The following TRAP1 variants were observed in gnomAD, a reference collection of about 807,000 sequenced individuals.
TRAP1 encodes the protein heat shock protein 75 kDa, mitochondrial.
A neutral mutation model predicts 89.1 loss-of-function variants in TRAP1; 102 were observed. The observed-to-expected ratio is 1.15, with a 90% confidence interval of 0.98 to 1.35. The LOEUF (loss-of-function observed/expected upper bound fraction) is 1.35, where lower values mean the gene tolerates loss of function less well. Ranked by LOEUF, TRAP1 falls within the 40% of genes most tolerant of loss-of-function variation. TRAP1 has a pLI of 0.00. For missense variants in TRAP1, 1,256 were observed against 945.3 expected (o/e 1.33, Z -4.31); for synonymous variants, 508 against 388.0 (o/e 1.31, Z -3.64).
At chr16:3,678,706 CT>C (rs2051034157) in intron 5 of TRAP1, among the ~76,000 whole-genome samples, 1 of 152,154 alleles carries the variant, frequency 6.6e-6, no homozygotes. Context: ...CGTGATCCAC[CT>C]GCCTCGGCCT....
At chr16:3,695,995 G>T (rs1029028256) in intron 1 of TRAP1, among the ~76,000 whole-genome samples, 1 of 152,148 alleles carries the variant, frequency 6.6e-6, no homozygotes, top group African/African-American at 2.4e-5. Flanking sequence ...ATCAATACCG[G>T]AACATTTACA....
Position 3,658,046 on chromosome 16 carries a change from G to T in TRAP1, c.*83C>A. ...AAAGCCCAACACACACTCGGGTTAA[G>T]AAATACCTTTAAATTTAGGTAAATA... On this transcript the variant is annotated 3_prime_UTR_variant, in exon 18 of 18. Coordinates refer to ENST00000246957, the MANE Select transcript of TRAP1 (RefSeq NM_016292.3). The T allele has an allele frequency of 6.2e-7, 1 of 1,607,952 alleles. No homozygotes were observed. Among genetic ancestry groups the T allele is most frequent in the Non-Finnish European group, 8.5e-7 (1 of 1,176,336 alleles).
intron 5 of TRAP1, among the ~76,000 whole-genome samples, chr16:3,678,996 G>A (rs1043459970): frequency 1.3e-5 from 2 of 152,158 alleles, no homozygotes; most frequent in Non-Finnish European, 2.9e-5. Flanking sequence ...GGGATGCGGC[G>A]TCTGTGGGTT....
intron 1 of TRAP1, among the ~76,000 whole-genome samples, chr16:3,692,105 T>G (rs1024946590): frequency 6.6e-6 from 1 of 152,228 alleles, no homozygotes; most frequent in African/African-American, 2.4e-5. Context: ...CAAGGATATG[T>G]GGCCAGCCAG....
At chr16:3,673,212 T>C (rs2050939226) in intron 9 of TRAP1, among the ~76,000 whole-genome samples, 1 of 152,164 alleles carries the variant, frequency 6.6e-6, no homozygotes, top group Admixed American at 6.5e-5. Context: ...TTCAAACAGT[T>C]GAGGAAAGAT....
chr16:3,662,393 G>A (rs923727282), intron 15 of TRAP1: 31 of 577,078 alleles, frequency 5.4e-5, no homozygotes, highest in Admixed American at 2.7e-4. Flanking sequence ...CGAATCCATC[G>A]TCCTCTGCTC....
intron 1 of TRAP1, among the ~76,000 whole-genome samples, chr16:3,699,629 C>CAACAAAAAA (rs2051338379): frequency 1.4e-5 from 1 of 72,056 alleles, no homozygotes; most frequent in African/African-American, 5.1e-5. Flanking sequence ...AACTCCGTCT[C>CAACAAAAAA]AAAAAAAAAA....
rs1237844684 is a variant in TRAP1, at chr16:3,666,108, C to T, written c.1246G>A (p.Asp416Asn). 1.2e-6 allele frequency: 2 copies of T among 1,611,152 alleles called. No homozygotes were observed. The highest frequency in any genetic ancestry group is 1.3e-5 in the African/African-American group (1 of 74,712). Reference protein sequence around the residue: ...QESALIRKLRDVLQQRLIKFF... With the variant: ...QESALIRKLRNVLQQRLIKFF... ...TTGATCAGCCTCTGCTGTAAAACGT[C>T]CCGGAGTTTCCTACAGAAAAGAAAT... is the stretch of plus-strand genomic sequence containing the variant. Residue 416 changes from aspartate to asparagine, a missense_variant, in exon 12 of 18, where the codon GAC (aspartate) becomes AAC (asparagine). Asp to Asn is a conservative substitution (Grantham distance 23, BLOSUM62 1). Transcript: ENST00000246957.
At chr16:3,697,663 C>CAAA (rs563704469) in intron 1 of TRAP1, among the ~76,000 whole-genome samples, 10 of 101,428 alleles carry the variant, frequency 9.9e-5, no homozygotes, top group African/African-American at 3.1e-4. Flanking sequence ...GACTCTGTCT[C>CAAA]AAAAAAAAAA....
chr16:3,696,516 A>G (rs1450561574), intron 1 of TRAP1, among the ~76,000 whole-genome samples: 1 of 152,106 alleles, frequency 6.6e-6, no homozygotes, highest in Non-Finnish European at 1.5e-5. Flanking sequence ...GAAAACAGAA[A>G]GCACACCATC....
At chr16:3,681,263 A>T (rs983741347) in intron 4 of TRAP1, among the ~76,000 whole-genome samples, 2 of 152,176 alleles carry the variant, frequency 1.3e-5, no homozygotes, top group African/African-American at 4.8e-5. Flanking sequence ...CTTCCTCTCC[A>T]GGACAGCCTG....
intron 1 of TRAP1, 133 bp downstream of exon 1, chr16:3,717,288 C>T (rs2051610268): frequency 5.5e-6 from 2 of 360,912 alleles, no homozygotes; most frequent in Non-Finnish European, 9.8e-6. Flanking sequence ...AACGCGTCTG[C>T]CGCGCTTGGC....
chr16:3,687,300 C>T (rs1201055241), intron 3 of TRAP1: 3 of 152,178 alleles, frequency 2.0e-5, no homozygotes, highest in Non-Finnish European at 2.9e-5. Flanking sequence ...GGACTTGTTC[C>T]TCCTTGCCTT....
At chr16:3,695,826 G>C (rs1294788501) in intron 1 of TRAP1, among the ~76,000 whole-genome samples, 2 of 152,292 alleles carry the variant, frequency 1.3e-5, no homozygotes, top group East Asian at 3.9e-4. Context: ...CCAAGATCAA[G>C]CGGAAAAGCT....
chr16:3,679,332 A>G lies in TRAP1; in HGVS notation c.543+387T>C, dbSNP rs139852406. On this transcript the variant is annotated intron_variant, in intron 5 of 17. Coordinates refer to ENST00000246957, the MANE Select transcript of TRAP1 (RefSeq NM_016292.3). ...TCAGAAAAAAAATAAAAAACAACACAATGATAAAAAGTAGTATAAAAAACA... is the reference window on the plus strand; with the variant it reads ...TCAGAAAAAAAATAAAAAACAACACGATGATAAAAAGTAGTATAAAAAACA... Among the ~76,000 whole-genome samples, 575 of 152,270 alleles carry G rather than the reference A, an allele frequency of 3.8e-3. 3 individuals are homozygous for G. Among genetic ancestry groups the G allele is most frequent in the African/African-American group, 0.013 (549 of 41,558 alleles).
chr16:3,712,895 CGAGAGCCACCG>C (rs1880064338), intron 1 of TRAP1, among the ~76,000 whole-genome samples: 1 of 152,150 alleles, frequency 6.6e-6, no homozygotes, highest in Non-Finnish European at 1.5e-5. Flanking sequence ...GGATTACAGA[CGAGAGCCACCG>C]CGCCCGGCCT....
Position 3,677,563 on chromosome 16 carries a change from G to T in TRAP1, c.639C>A (p.Asp213Glu), listed in dbSNP as rs1189814527. ...VGFYSAFMVA[D>E]RVEVYSRSAA... is the part of the protein sequence containing the mutation. ...CCGAGCGGGAATAGACCTCCACTCT[G>T]TCAGCCACCATGAAAGCTGAGTAGA... The change falls in exon 6 of 18, where the codon GAC (aspartate) becomes GAA (glutamate). Residue 213 changes from aspartate (D) to glutamate (E), a missense_variant. Physicochemically the swap from Asp to Glu is conservative, Grantham distance 45. Coordinates refer to ENST00000246957, the MANE Select transcript of TRAP1 (RefSeq NM_016292.3). 6.2e-7 allele frequency: 1 copy of T among 1,614,184 alleles called. No homozygotes were observed. Among genetic ancestry groups the T allele is most frequent in the Non-Finnish European group, 8.5e-7 (1 of 1,180,026 alleles).
chr16:3,700,308 C>G (rs1026451171), intron 1 of TRAP1, among the ~76,000 whole-genome samples: 2 of 151,738 alleles, frequency 1.3e-5, no homozygotes, highest in Admixed American at 1.3e-4. Context: ...GCTGAGATTA[C>G]AGGCATGTGC....
chr16:3,658,138 C>T lies in TRAP1; in HGVS notation c.2106G>A (p.Glu702=). 6.2e-7 allele frequency: 1 copy of T among 1,614,030 alleles called. No homozygotes were observed. ...TCTGGCCCCCTGGCTGTCAGTGTCG[C>T]TCCAGGGCCTTGACAAGCAGCTCAT... is the stretch of plus-strand genomic sequence containing the variant. The part of the protein sequence containing the change: ...RLNELLVKAL[E]RH Residue 702 remains glutamate, a synonymous_variant, in exon 18 of 18, where the codon GAG becomes GAA. Transcript: ENST00000246957.
Sources: gnomAD v4.1 joint callset for allele counts (sites outside exome capture counted in the v4.1 genomes callset) on GRCh38, gnomAD v4.1.1 for gene constraint, MANE v1.5 for transcripts, NCBI Gene and HGNC (gene_info 2026-07-23, HGNC 2026-07-21) for gene names.